OSBPL10: variants seen among roughly 807,000 people sequenced by gnomAD.
OSBPL10 encodes oxysterol-binding protein-related protein 10.
Under a neutral mutation model 81.7 loss-of-function variants are expected in OSBPL10, and 49 were observed. The observed-to-expected ratio is 0.60, with a 90% CI of 0.48 to 0.76. OSBPL10 has a LOEUF of 0.76. Among genes scored for constraint, OSBPL10 ranks in the 30% least tolerant of loss-of-function variants. The pLI, the probability that OSBPL10 is intolerant of heterozygous loss-of-function variation, is 0.00. For missense variants in OSBPL10, 923 were observed against 987.8 expected, an observed-to-expected ratio of 0.93 and a Z score of 0.88; for synonymous variants, 419 against 383.6, an observed-to-expected ratio of 1.09 and a Z score of -1.08.
intron 1 of OSBPL10, among the ~76,000 whole-genome samples, chr3:31,978,581 C>G (rs186741233): frequency 9.9e-4 from 150 of 152,276 alleles, no homozygotes; most frequent in African/African-American, 3.5e-3. Flanking sequence ...CCTCAGCCAT[C>G]GTTCAAAGAA....
intron 8 of OSBPL10, among the ~76,000 whole-genome samples, chr3:31,673,517 G>C (rs1315304361): frequency 1.3e-5 from 2 of 152,114 alleles, no homozygotes; most frequent in Non-Finnish European, 2.9e-5. Flanking sequence ...CACAGACTTG[G>C]AGACTGTGGC....
At chr3:31,694,560 T>G (rs1021641365) in intron 7 of OSBPL10, among the ~76,000 whole-genome samples, 3 of 152,188 alleles carry the variant, frequency 2.0e-5, no homozygotes, top group Non-Finnish European at 4.4e-5. Flanking sequence ...CAATTTATAA[T>G]GCCATCAGCA....
At chr3:32,016,499 G>A (rs1038964926) in intron 2 of OSBPL10, among the ~76,000 whole-genome samples, 2 of 152,122 alleles carry the variant, frequency 1.3e-5, no homozygotes, top group African/African-American at 2.4e-5. Flanking sequence ...TAATGTAAAC[G>A]ACAAGTTAAT....
intron 2 of OSBPL10, among the ~76,000 whole-genome samples, chr3:32,011,671 G>A (rs555458035): frequency 1.3e-5 from 2 of 152,184 alleles, no homozygotes; most frequent in Non-Finnish European, 2.9e-5. Context: ...CGAACCCATG[G>A]CAGAGAAGTT....
At chr3:31,715,533 A>T (rs1351899777) in intron 6 of OSBPL10, among the ~76,000 whole-genome samples, 1 of 152,218 alleles carries the variant, frequency 6.6e-6, no homozygotes, top group East Asian at 1.9e-4. Context: ...ATTTCTTGGT[A>T]ATAGAAAGTT....
chr3:31,697,583 A>G (rs1390711692), intron 7 of OSBPL10, among the ~76,000 whole-genome samples: 1 of 152,230 alleles, frequency 6.6e-6, no homozygotes, highest in Non-Finnish European at 1.5e-5. Flanking sequence ...TAAAACGAAT[A>G]GCAATTAATA....
chr3:31,775,697 G>A (rs892386457), intron 4 of OSBPL10, among the ~76,000 whole-genome samples: 8 of 152,220 alleles, frequency 5.3e-5, no homozygotes, highest in Non-Finnish European at 8.8e-5. Context: ...GGAACACAGT[G>A]TGACGATGAC....
intron 4 of OSBPL10, among the ~76,000 whole-genome samples, chr3:31,829,826 G>C (rs1370175646): frequency 6.6e-6 from 1 of 152,194 alleles, no homozygotes; most frequent in Non-Finnish European, 1.5e-5. Context: ...CGAGTTCTCA[G>C]AGTAGTCTCC....
chr3:31,871,286 G>C (rs11914447), intron 3 of OSBPL10, among the ~76,000 whole-genome samples: 4,212 of 152,116 alleles, frequency 0.028, 181 homozygotes, highest in African/African-American at 0.096. Context: ...CCGGGAGGAA[G>C]GAACAACTCC....
intron 1 of OSBPL10, among the ~76,000 whole-genome samples, chr3:31,887,794 A>T (rs1020473252): frequency 6.6e-6 from 1 of 152,158 alleles, no homozygotes; most frequent in African/African-American, 2.4e-5. Context: ...ACTCAATCCC[A>T]ACCAAACTTT....
chr3:31,948,900 C>T (rs1052560448), intron 1 of OSBPL10, among the ~76,000 whole-genome samples: 5 of 152,004 alleles, frequency 3.3e-5, no homozygotes, highest in African/African-American at 9.7e-5. Flanking sequence ...TAATGCAGGG[C>T]CAAATAAGTA....
chr3:32,072,297 T>C (rs1370531761), intron 1 of OSBPL10, among the ~76,000 whole-genome samples: 2 of 152,298 alleles, frequency 1.3e-5, no homozygotes, highest in East Asian at 3.9e-4. Context: ...CCAAAAGGCA[T>C]CAGATCCCAT....
chr3:32,045,099 G>A (rs1238507717), intron 2 of OSBPL10, among the ~76,000 whole-genome samples: 1 of 152,190 alleles, frequency 6.6e-6, no homozygotes, highest in East Asian at 1.9e-4. Flanking sequence ...CAAAATAGAA[G>A]AGGCCTTGCC....
At chr3:32,051,090 G>A (rs1283106691) in intron 1 of OSBPL10, among the ~76,000 whole-genome samples, 2 of 152,166 alleles carry the variant, frequency 1.3e-5, no homozygotes, top group African/African-American at 4.8e-5. Context: ...CTGGAAAAGA[G>A]GCTTTATTTT....
chr3:31,926,611 G>A lies in OSBPL10; in HGVS notation c.282-46781C>T, dbSNP rs141720584. 6.0e-4 allele frequency among the ~76,000 whole-genome samples: 91 copies of A among 152,256 alleles called. 4 individuals are homozygous for A. Among genetic ancestry groups the A allele is most frequent in the African/African-American group, 2.0e-3 (85 of 41,550 alleles). On this transcript the variant is annotated intron_variant, in intron 1 of 11. Coordinates refer to ENST00000396556, the MANE Select transcript of OSBPL10 (RefSeq NM_017784.5). ...AGAAAGCCACCACACTTCAGGAGTTGGTGTAACATAAGACAAGTAAAAATG... is the reference window on the plus strand; with the variant it reads ...AGAAAGCCACCACACTTCAGGAGTTAGTGTAACATAAGACAAGTAAAAATG...
At chr3:31,929,780 TCTTA>T (rs1201836427) in intron 1 of OSBPL10, among the ~76,000 whole-genome samples, 3 of 147,286 alleles carry the variant, frequency 2.0e-5, no homozygotes, top group Admixed American at 6.7e-5. Flanking sequence ...AAAATAAAGC[TCTTA>T]CTAAGTAAGA....
chr3:32,020,074 T>C (rs1251907150), intron 2 of OSBPL10, among the ~76,000 whole-genome samples: 1 of 152,246 alleles, frequency 6.6e-6, no homozygotes, highest in Non-Finnish European at 1.5e-5. Flanking sequence ...CTTAATCCAC[T>C]CTTTGGGTAC....
chr3:32,067,172 C>T (rs576838379), intron 1 of OSBPL10, among the ~76,000 whole-genome samples: 1 of 152,108 alleles, frequency 6.6e-6, no homozygotes, highest in African/African-American at 2.4e-5. Flanking sequence ...TGTTGAATTG[C>T]CAATTCAATG....
intron 4 of OSBPL10, among the ~76,000 whole-genome samples, chr3:31,826,022 C>T (rs977536726): frequency 2.6e-5 from 4 of 152,142 alleles, no homozygotes; most frequent in Non-Finnish European, 5.9e-5. Context: ...ATTGTTTAGT[C>T]ATTCCCTTAA....
Sources: allele counts gnomAD v4.1 joint callset (sites outside exome capture counted in the v4.1 genomes callset), GRCh38; gene constraint gnomAD v4.1.1; transcripts MANE v1.5; gene names NCBI Gene and HGNC (gene_info 2026-07-23, HGNC 2026-07-21).